Variants in TAB2 observed in about 807,000 individuals in gnomAD.
TAB2 encodes the protein TGF-beta-activated kinase 1 and MAP3K7-binding protein 2.
TAB2 carries 3 observed loss-of-function variants against 65.0 expected under a neutral mutation model. The ratio of observed to expected loss-of-function variants is 0.05; its 90% CI spans 0.02 to 0.12. The LOEUF is 0.12. TAB2 is among the 10% of genes least tolerant of loss of function. TAB2 has a pLI of 1.00. For synonymous variants in TAB2, 298 were observed against 285.1 expected, an observed-to-expected ratio of 1.05 and a Z score of -0.46; for missense variants, 623 against 840.3, an observed-to-expected ratio of 0.74 and a Z score of 3.20.
At chr6:149,346,051 A>G (rs1237892120) in intron 1 of TAB2, among the ~76,000 whole-genome samples, 1 of 152,134 alleles carries the variant, frequency 6.6e-6, no homozygotes, top group Non-Finnish European at 1.5e-5. Context: ...TGTTTACACC[A>G]CTTTAAACAC....
intron 1 of TAB2, among the ~76,000 whole-genome samples, chr6:149,298,931 T>C (rs561143232): frequency 6.6e-6 from 1 of 152,356 alleles, no homozygotes; most frequent in Admixed American, 6.5e-5. Context: ...GCAAAGTACA[T>C]TCCTTCTGCT....
chr6:149,288,823 C>T (rs1454406934), intron 1 of TAB2, among the ~76,000 whole-genome samples: 2 of 151,190 alleles, frequency 1.3e-5, no homozygotes, highest in East Asian at 1.9e-4. Context: ...CCCCTCAACA[C>T]GAGGACCAGA....
chr6:149,230,020 G>T (rs75806665), intron 1 of TAB2: 2 of 152,180 alleles, frequency 1.3e-5, no homozygotes, highest in African/African-American at 2.4e-5. Flanking sequence ...TAATGGAAAG[G>T]CTTGGCTCCA....
intron 1 of TAB2, among the ~76,000 whole-genome samples, chr6:149,226,512 G>T (rs1357730327): frequency 6.6e-6 from 1 of 151,926 alleles, no homozygotes; most frequent in Non-Finnish European, 1.5e-5. Context: ...TACTTCTGAT[G>T]ATTTATTCTT....
chr6:149,229,638 T>C (rs1157600773), intron 1 of TAB2, among the ~76,000 whole-genome samples: 1 of 152,002 alleles, frequency 6.6e-6, no homozygotes, highest in Admixed American at 6.6e-5. Context: ...GGCCTGGCAA[T>C]AGGTGGTGAT....
upstream of TAB2, among the ~76,000 whole-genome samples, chr6:149,315,186 C>G (rs117299413): frequency 3.3e-5 from 5 of 152,332 alleles, no homozygotes; most frequent in East Asian, 9.6e-4. Context: ...AAGGAACTCT[C>G]TGAAGTTTAA....
At chr6:149,377,067 C>T (rs925834776) in intron 2 of TAB2, among the ~76,000 whole-genome samples, 2 of 143,538 alleles carry the variant, frequency 1.4e-5, no homozygotes, top group East Asian at 2.4e-4. Flanking sequence ...ACAAATGTAA[C>T]TTATTTTTTT....
chr6:149,280,135 T>A (rs1778546242), intron 1 of TAB2, among the ~76,000 whole-genome samples: 1 of 152,218 alleles, frequency 6.6e-6, no homozygotes. Context: ...AATCAGACAA[T>A]CTGAGTTGGA....
At chr6:149,307,870 C>A (rs1329437998) in intron 1 of TAB2, among the ~76,000 whole-genome samples, 1 of 152,160 alleles carries the variant, frequency 6.6e-6, no homozygotes, top group African/African-American at 2.4e-5. Flanking sequence ...TTTACCACCC[C>A]AAAGCACTCT....
chr6:149,262,561 A>T (rs1018345329), intron 1 of TAB2, among the ~76,000 whole-genome samples: 1 of 151,984 alleles, frequency 6.6e-6, no homozygotes, highest in African/African-American at 2.4e-5. Context: ...CATATGCTAG[A>T]GTTGTCACCT....
intron 6 of TAB2, among the ~76,000 whole-genome samples, chr6:149,399,485 A>ATTT (rs1562453615): frequency 1.3e-5 from 2 of 152,092 alleles, no homozygotes; most frequent in Non-Finnish European, 2.9e-5. Flanking sequence ...AATTTGTATC[A>ATTT]TTTAAAACTT....
chr6:149,292,200 T>G (rs1041540036), intron 1 of TAB2, among the ~76,000 whole-genome samples: 1 of 152,206 alleles, frequency 6.6e-6, no homozygotes, highest in Non-Finnish European at 1.5e-5. Context: ...ATTGATTCAC[T>G]AGACAGAGGC....
Position 149,226,325 on chromosome 6 carries a change from G to A in TAB2, c.-121+7549G>A, listed in dbSNP as rs1444691522. ...GTAGGAGAAGTGCGAGGACCCGCGTGCTTCCGCTCTTCAGTGACTCCAAAG... is the reference window on the plus strand; with the variant it reads ...GTAGGAGAAGTGCGAGGACCCGCGTACTTCCGCTCTTCAGTGACTCCAAAG... On this transcript the variant is annotated intron_variant, in intron 1 of 1. Transcript: ENST00000606202. Among the ~76,000 whole-genome samples, 6 of 152,126 alleles carry A rather than the reference G, an allele frequency of 3.9e-5. No individual in the cohort carries two copies. In the East Asian group the frequency reaches 1.2e-3, roughly 29 times the overall value.
chr6:149,238,601 C>T (rs764105284), intron 1 of TAB2, among the ~76,000 whole-genome samples: 2 of 152,156 alleles, frequency 1.3e-5, no homozygotes, highest in East Asian at 1.9e-4. Flanking sequence ...CATGGCTCCC[C>T]GGCTCCTCCA....
chr6:149,244,445 TGAA>T (rs1419294583), intron 1 of TAB2: 1 of 152,112 alleles, frequency 6.6e-6, no homozygotes, highest in African/African-American at 2.4e-5. Context: ...TGACGGAGCA[TGAA>T]GGAGGAAGGA....
intron 1 of TAB2, among the ~76,000 whole-genome samples, chr6:149,339,222 G>T (rs147379534): frequency 4.9e-4 from 75 of 152,244 alleles, no homozygotes; most frequent in South Asian, 8.3e-4. Flanking sequence ...ACTTAGCTGG[G>T]TGTGGTGGCA....
intron 1 of TAB2, among the ~76,000 whole-genome samples, chr6:149,284,411 T>A (rs574161208): frequency 8.8e-4 from 134 of 152,230 alleles, no homozygotes; most frequent in African/African-American, 3.1e-3. Context: ...TCCATCAAGG[T>A]CCCAACAATG....
chr6:149,363,589 T>A (rs1283937751), intron 1 of TAB2, among the ~76,000 whole-genome samples: 1 of 152,200 alleles, frequency 6.6e-6, no homozygotes, highest in East Asian at 1.9e-4. Context: ...TCTTTAAACA[T>A]GCTCTTCAGT....
chr6:149,248,665 C>A (rs1161161602), intron 1 of TAB2, among the ~76,000 whole-genome samples: 1 of 152,126 alleles, frequency 6.6e-6, no homozygotes, highest in Non-Finnish European at 1.5e-5. Flanking sequence ...TTCCCTAGTT[C>A]TTCCTGTGCC....
Sources: allele counts gnomAD v4.1 joint callset (sites outside exome capture counted in the v4.1 genomes callset), GRCh38; gene constraint gnomAD v4.1.1; transcripts MANE v1.5; gene names NCBI Gene and HGNC (gene_info 2026-07-23, HGNC 2026-07-21).